AKAP9: variants seen among roughly 807,000 people sequenced by gnomAD.
AKAP9 encodes the protein A-kinase anchor protein 9.
A neutral mutation model predicts 488.5 loss-of-function variants in AKAP9; 311 were observed. The observed-to-expected ratio is 0.64, with a 90% CI of 0.58 to 0.70. AKAP9 has a LOEUF of 0.70. Among genes scored for constraint, AKAP9 ranks in the 30% least tolerant of loss-of-function variants. AKAP9 has a pLI of 0.00. For missense variants in AKAP9, 4,215 were observed against 4,374.5 expected, an observed-to-expected ratio of 0.96 and a Z score of 1.03; for synonymous variants, 1,462 against 1,483.5, an observed-to-expected ratio of 0.99 and a Z score of 0.33.
chr7:91,948,457 TG>T (rs1652101937), intron 1 of AKAP9, among the ~76,000 whole-genome samples: 1 of 152,090 alleles, frequency 6.6e-6, no homozygotes, highest in Non-Finnish European at 1.5e-5. Context: ...CTGTTTTTTT[TG>T]TTTGTTTGTT....
intron 37 of AKAP9, among the ~76,000 whole-genome samples, chr7:92,088,585 T>C (rs1002846871): frequency 6.6e-5 from 10 of 152,130 alleles, no homozygotes; most frequent in African/African-American, 2.4e-4. Context: ...AAAATTATAG[T>C]AATAGAAAGC....
At chr7:92,070,345 C>T (rs779217287) in intron 27 of AKAP9, 139 bp downstream of exon 27, 459 of 983,696 alleles carry the variant, frequency 4.7e-4, no homozygotes, top group Non-Finnish European at 6.8e-4. Flanking sequence ...GTTCTTATTT[C>T]CAAATGTTGC....
At chr7:92,076,449 T>C (rs1316195339) in intron 28 of AKAP9, among the ~76,000 whole-genome samples, 2 of 152,254 alleles carry the variant, frequency 1.3e-5, no homozygotes, top group South Asian at 2.1e-4. Context: ...GTTAGTCTTA[T>C]ATGGTGGCTA....
chr7:92,090,694 T>G (rs1415989743), intron 38 of AKAP9: 3 of 152,156 alleles, frequency 2.0e-5, no homozygotes, highest in African/African-American at 7.2e-5. Context: ...ATTAATATGA[T>G]TGAGCATTTG....
chr7:92,076,043 A>G (rs1812537416), intron 28 of AKAP9, among the ~76,000 whole-genome samples: 1 of 152,222 alleles, frequency 6.6e-6, no homozygotes, highest in African/African-American at 2.4e-5. Context: ...ATCATGAGGT[A>G]AATACACATT....
At chr7:92,029,517 C>T (rs942523647) in intron 14 of AKAP9, among the ~76,000 whole-genome samples, 6 of 152,176 alleles carry the variant, frequency 3.9e-5, no homozygotes, top group African/African-American at 7.2e-5. Flanking sequence ...CACAGTGGCT[C>T]ATGCCTGTAA....
chr7:91,976,314 C>G (rs1433858309), intron 2 of AKAP9, among the ~76,000 whole-genome samples: 1 of 152,154 alleles, frequency 6.6e-6, no homozygotes, highest in African/African-American at 2.4e-5. Flanking sequence ...CTCAACCTCC[C>G]AGACTTCAGT....
At chr7:92,088,653 C>G (rs1253294145) in intron 37 of AKAP9, among the ~76,000 whole-genome samples, 1 of 152,124 alleles carries the variant, frequency 6.6e-6, no homozygotes, top group Non-Finnish European at 1.5e-5. Context: ...AGAGGAGTTT[C>G]TTCGTGGTGA....
At chr7:91,944,679 A>G (rs1254419112) in intron 1 of AKAP9, among the ~76,000 whole-genome samples, 1 of 152,124 alleles carries the variant, frequency 6.6e-6, no homozygotes, top group Non-Finnish European at 1.5e-5. Context: ...GAGCCACTGC[A>G]CTCAGCCTCA....
chr7:91,991,794 A>G (rs576757438), intron 3 of AKAP9, among the ~76,000 whole-genome samples: 5 of 152,150 alleles, frequency 3.3e-5, no homozygotes, highest in Admixed American at 2.6e-4. Flanking sequence ...TTGAAAATGA[A>G]TAGGGCTTAA....
chr7:92,042,577 T>A, intron 19 of AKAP9, 91 bp from the exon 20 acceptor site: 1 of 889,494 alleles, frequency 1.1e-6, no homozygotes, highest in South Asian at 1.4e-5. Context: ...CTATTTTATC[T>A]CATACCAATA....
chr7:92,000,887 A>T lies in AKAP9; in HGVS notation c.970A>T (p.Ile324Leu), dbSNP rs906395966. The T allele has an allele frequency of 2.1e-6, 3 of 1,424,596 alleles. No homozygotes were observed. In the Admixed American group the frequency reaches 8.3e-5, roughly 39 times the overall value. The allele number at this position is 1,424,596 out of a possible 1,614,324, so 88.2% of individuals were successfully genotyped here. The stretch of plus-strand genomic sequence containing the variant: ...AGTAGAAAACTCAAATAAAGAAGAA[A>T]TACAGGAAAAGGAGACAATCATTGA... ...KKVENSNKEE[I>L]QEKETIIEEL... The change falls in exon 8 of 50, where the codon ATA becomes TTA. Residue 324 changes from isoleucine to leucine, a missense_variant. By Grantham distance (5) the Ile-to-Leu change is conservative. Around this residue, in one of 5 missense-constraint regions of AKAP9, gnomAD observed 2,361 missense variants for 2,430.0 expected, o/e 0.97. Transcript: ENST00000356239.
At chr7:92,054,751 T>C (rs1808501536) in intron 22 of AKAP9, among the ~76,000 whole-genome samples, 1 of 152,028 alleles carries the variant, frequency 6.6e-6, no homozygotes, top group Non-Finnish European at 1.5e-5. Flanking sequence ...TTACCTCTCT[T>C]TTGCTTGGAC....
chr7:92,061,581 A>G (rs1295925850), intron 23 of AKAP9, among the ~76,000 whole-genome samples, 159 bp downstream of exon 23: 1 of 56,560 alleles, frequency 1.8e-5, no homozygotes, highest in Non-Finnish European at 3.3e-5. Flanking sequence ...GCAATTTTTA[A>G]AACTATATAT....
At chr7:92,107,096 T>G (rs1350025229) in intron 47 of AKAP9, among the ~76,000 whole-genome samples, 197 bp from the exon 48 acceptor site, 1 of 152,216 alleles carries the variant, frequency 6.6e-6, no homozygotes, top group Admixed American at 6.5e-5. Flanking sequence ...TATTCAAAAG[T>G]AAACAAAATA....
intron 8 of AKAP9, among the ~76,000 whole-genome samples, chr7:92,011,771 A>T (rs899681966): frequency 2.6e-5 from 4 of 152,204 alleles, no homozygotes; most frequent in African/African-American, 9.6e-5. Flanking sequence ...GTGAGCCTCT[A>T]CTGCATTCTA....
rs1237979551 is a variant in AKAP9 at position 92,102,683 on chromosome 7, C to G, written c.11187C>G (p.Phe3729Leu). The G allele has an allele frequency of 6.2e-7, 1 of 1,614,046 alleles. No homozygotes were observed. Among genetic ancestry groups the G allele is most frequent in the Non-Finnish European group, 8.5e-7 (1 of 1,180,046 alleles). ...ACCTGCTGCTGTTACTGGGTGGGTT[C>G]CAGGAATGTGAAGATGCCACCTTGG... ...KKYLLLLLGG[F>L]QECEDATLAL... The change falls in exon 46 of 50, where the codon TTC becomes TTG. Residue 3729 changes from phenylalanine to leucine, a missense_variant. Around this residue, in one of 5 missense-constraint regions of AKAP9, gnomAD observed 253 missense variants for 266.8 expected, o/e 0.95. Transcript: ENST00000356239.
At chr7:92,042,241 T>C in intron 19 of AKAP9, 55 bp downstream of exon 19, 2 of 1,607,724 alleles carry the variant, frequency 1.2e-6, no homozygotes, top group Non-Finnish European at 1.7e-6. Flanking sequence ...CAGTAGGATT[T>C]GTTTGTCTTT....
intron 9 of AKAP9, among the ~76,000 whole-genome samples, chr7:92,013,053 G>A (rs1281827546): frequency 2.1e-5 from 3 of 141,432 alleles, no homozygotes; most frequent in South Asian, 2.3e-4. Flanking sequence ...GTGCAGTGGC[G>A]GGATCTCGGC....
Sources: allele counts gnomAD v4.1 joint callset (sites outside exome capture counted in the v4.1 genomes callset), GRCh38; gene constraint gnomAD v4.1.1; regional missense constraint gnomAD v4.1.1; transcripts MANE v1.5; gene names NCBI Gene and HGNC (gene_info 2026-07-23, HGNC 2026-07-21).